ITPKC: variants seen among roughly 807,000 people sequenced by gnomAD.
ITPKC encodes IP3 3-kinase C.
Under a neutral mutation model 67.1 loss-of-function variants are expected in ITPKC, and 33 were observed. That is an observed-to-expected ratio of 0.49 (90% CI 0.37 to 0.66). The LOEUF (loss-of-function observed/expected upper bound fraction) is 0.66. Ranked by LOEUF, ITPKC falls within the 30% of genes least tolerant of loss-of-function variation. The pLI is 0.00. For missense variants in ITPKC, 820 were observed against 892.1 expected (o/e 0.92, Z 1.03); for synonymous variants, 341 against 359.8 (o/e 0.95, Z 0.59).
chr19:40,739,434 G>A lies in ITPKC; in HGVS notation c.1926G>A (p.Thr642=), dbSNP rs1356933391. Residue 642 remains threonine (T), a synonymous_variant, in exon 7 of 7, where the codon ACG becomes ACA. Transcript: ENST00000263370. ...AKVWMIDFGK[T]VALPDHQTLS... ...TCTGGATGATAGACTTCGGCAAGACGGTGGCCTTGCCCGACCACCAGACGC... is the reference window on the plus strand; with the variant it reads ...TCTGGATGATAGACTTCGGCAAGACAGTGGCCTTGCCCGACCACCAGACGC... 11 of 1,613,482 alleles carry A rather than the reference G, an allele frequency of 6.8e-6. No individual in the cohort carries two copies. The highest frequency in any genetic ancestry group is 4.5e-5 in the East Asian group (2 of 44,908).
intron 6 of ITPKC, among the ~76,000 whole-genome samples, chr19:40,738,675 C>T (rs1235815907): frequency 1.3e-5 from 2 of 152,208 alleles, no homozygotes; most frequent in Non-Finnish European, 2.9e-5. Context: ...TTATGCCTCA[C>T]ACTGAACATT....
intron 4 of ITPKC, among the ~76,000 whole-genome samples, chr19:40,735,210 C>A (rs149704956): frequency 6.6e-6 from 1 of 152,224 alleles, no homozygotes; most frequent in African/African-American, 2.4e-5. Flanking sequence ...TGAGCCACCA[C>A]GCCCAACCTC....
intron 1 of ITPKC, among the ~76,000 whole-genome samples, chr19:40,719,085 G>A (rs975413861): frequency 7.2e-5 from 11 of 152,156 alleles, no homozygotes; most frequent in African/African-American, 2.7e-4. Context: ...GAGCCGTGGG[G>A]CTGGGAGCCG....
chr19:40,718,105 C>T lies in ITPKC; in HGVS notation c.970C>T (p.Leu324=), dbSNP rs2082200765. The change falls in exon 1 of 7, where the codon CTG becomes TTG. Residue 324 remains leucine (L), a synonymous_variant. Transcript: ENST00000263370. ...GTACTCTCACCTGAAGTGTAGCCCC[C>T]TGTGCCCTGTGCCCCGCCTCATCAT... is the stretch of plus-strand genomic sequence containing the variant. ...HLYSHLKCSP[L]CPVPRLIITP... is the part of the protein sequence containing the mutation. 6.2e-7 allele frequency: 1 copy of T among 1,613,126 alleles called. No homozygotes were observed. The highest frequency in any genetic ancestry group is 8.5e-7 in the Non-Finnish European group (1 of 1,179,914).
At chr19:40,739,160 A>T (rs947917759) in intron 6 of ITPKC, among the ~76,000 whole-genome samples, 197 bp from the exon 7 acceptor site, 1 of 152,212 alleles carries the variant, frequency 6.6e-6, no homozygotes, top group African/African-American at 2.4e-5. Flanking sequence ...CTCACTTTGT[A>T]TATGAGGACG....
At chr19:40,727,063 G>A (rs1000569443) in intron 2 of ITPKC, among the ~76,000 whole-genome samples, 3 of 152,060 alleles carry the variant, frequency 2.0e-5, no homozygotes, top group Middle Eastern at 3.4e-3. Context: ...CGCCAGGGGC[G>A]GTGGCTCACG....
chr19:40,725,585 G>A (rs1251762998), intron 2 of ITPKC, 146 bp downstream of exon 2: 5 of 656,176 alleles, frequency 7.6e-6, no homozygotes, highest in Admixed American at 2.5e-5. Flanking sequence ...GCTTAGGCCT[G>A]GGCCTGGCCC....
At chr19:40,732,394 G>A (rs1449418181) in intron 3 of ITPKC, among the ~76,000 whole-genome samples, 2 of 151,502 alleles carry the variant, frequency 1.3e-5, no homozygotes, top group Non-Finnish European at 2.9e-5. Flanking sequence ...TCCGGGTGTG[G>A]TGGCGGGCAC....
At chr19:40,723,491 ATTTGTTTTGTTTTTTT>A (rs1385350498) in intron 1 of ITPKC, among the ~76,000 whole-genome samples, 18 of 116,344 alleles carry the variant, frequency 1.5e-4, no homozygotes, top group African/African-American at 5.2e-4. Flanking sequence ...GTCTTCCTAT[ATTTGTTTTGTTTTTTT>A]TTTGTTTTTG....
chr19:40,732,174 A>C (rs573628747), intron 3 of ITPKC, among the ~76,000 whole-genome samples: 6 of 148,146 alleles, frequency 4.1e-5, no homozygotes, highest in Non-Finnish European at 8.9e-5. Flanking sequence ...GAGGTCCTAG[A>C]AGTTGCAGTG....
rs770900237 is a variant in ITPKC at position 40,717,388 on chromosome 19, C to G, written c.253C>G (p.Pro85Ala). Residue 85 changes from proline to alanine, a missense_variant, in exon 1 of 7, where the codon CCG becomes GCG. Pro to Ala is a conservative substitution (Grantham distance 27). Around this residue, in one of 2 missense-constraint regions of ITPKC, gnomAD observed 481 missense variants for 470.1 expected, o/e 1.02. Coordinates refer to ENST00000263370, the MANE Select transcript of ITPKC (RefSeq NM_025194.3). The part of the protein sequence containing the change: ...GLGPAPGTES[P>A]QAEFWTDGQT... ...CGGGCCTGCGCCGGGGACAGAGAGT[C>G]CGCAGGCAGAATTCTGGACAGACGG... 6.2e-7 allele frequency: 1 copy of G among 1,613,352 alleles called. No homozygotes were observed. Among genetic ancestry groups the G allele is most frequent in the Non-Finnish European group, 8.5e-7 (1 of 1,179,926 alleles).
At chr19:40,725,157 G>A (rs373218784) in intron 1 of ITPKC, among the ~76,000 whole-genome samples, 183 bp from the exon 2 acceptor site, 68 of 152,172 alleles carry the variant, frequency 4.5e-4, no homozygotes, top group African/African-American at 1.6e-3. Flanking sequence ...GGCTTTGGGC[G>A]ATCATGTGAT....
chr19:40,719,060 C>T (rs951913636), intron 1 of ITPKC, among the ~76,000 whole-genome samples: 1 of 152,290 alleles, frequency 6.6e-6, no homozygotes, highest in Non-Finnish European at 1.5e-5. Context: ...ACTGGAGAGC[C>T]TCACGTGGGG....
rs201718287 is a variant in ITPKC, at chr19:40,717,486, G to C, written c.351G>C (p.Arg117Ser). 269 of 1,614,034 alleles carry C rather than the reference G, an allele frequency of 1.7e-4. No homozygotes were observed. The highest frequency in any genetic ancestry group is 2.2e-4 in the Non-Finnish European group (263 of 1,180,028). The change falls in exon 1 of 7, where the codon AGG (arginine) becomes AGC (serine). Residue 117 changes from arginine (R) to serine (S), a missense_variant. By Grantham distance (110) the Arg-to-Ser change is moderately radical. Coordinates refer to ENST00000263370, the MANE Select transcript of ITPKC (RefSeq NM_025194.3). ...ERPKQKTEPDRSSLRTHLEWS... is the reference protein window; with the variant it reads ...ERPKQKTEPDSSSLRTHLEWS... ...CCAAGCAAAAGACGGAGCCAGACAGGTCCAGCCTCCGGACGCATCTAGAAT... is the reference window on the plus strand; with the variant it reads ...CCAAGCAAAAGACGGAGCCAGACAGCTCCAGCCTCCGGACGCATCTAGAAT...
intron 4 of ITPKC, among the ~76,000 whole-genome samples, chr19:40,733,895 A>G (rs2082283009): frequency 6.6e-6 from 1 of 152,086 alleles, no homozygotes; most frequent in African/African-American, 2.4e-5. Context: ...TGTTTCTAGA[A>G]GAAAAAAAAA....
Position 40,739,356 on chromosome 19 carries a change from G to A in ITPKC, c.1849-1G>A. The A allele has an allele frequency of 6.2e-7, 1 of 1,613,160 alleles. No homozygotes were observed. The highest frequency in any genetic ancestry group is 2.2e-5 in the East Asian group (1 of 44,878). Reference sequence around the variant, plus strand: ...TTAACCTCCCGTCTCTACCCCGGCAGGTGGTAGGCAGCTCCCTCCTCTTCG... The same window carrying A: ...TTAACCTCCCGTCTCTACCCCGGCAAGTGGTAGGCAGCTCCCTCCTCTTCG... On this transcript the variant is annotated splice_acceptor_variant, in intron 6 of 6. Coordinates refer to ENST00000263370, the MANE Select transcript of ITPKC (RefSeq NM_025194.3). LOFTEE classifies it high-confidence loss of function.
chr19:40,734,766 G>T (rs995871617), intron 4 of ITPKC, among the ~76,000 whole-genome samples: 2 of 143,888 alleles, frequency 1.4e-5, no homozygotes, highest in African/African-American at 5.2e-5. Flanking sequence ...GCACTACCAT[G>T]CCTGGCTAAT....
intron 4 of ITPKC, among the ~76,000 whole-genome samples, chr19:40,735,453 A>C (rs2082290358): frequency 1.3e-5 from 2 of 149,488 alleles, no homozygotes; most frequent in Non-Finnish European, 1.5e-5. Flanking sequence ...TGATCCCCCC[A>C]CCTCAGTCTT....
rs1172830526 is a variant in ITPKC at position 40,718,146 on chromosome 19, T to A, written c.1011T>A (p.Pro337=). The A allele has an allele frequency of 6.2e-7, 1 of 1,605,338 alleles. No homozygotes were observed. The highest frequency in any genetic ancestry group is 1.7e-5 in the Admixed American group (1 of 59,852). The part of the protein sequence containing the change: ...VPRLIITPET[P]EPEAQPVGPP... ...GCCTCATCATTACCCCTGAGACCCC[T>A]GAGCCTGAGGCCCAGCCAGTGGGAC... The change falls in exon 1 of 7, where the codon CCT becomes CCA. Residue 337 remains proline (P), a synonymous_variant. Coordinates refer to ENST00000263370, the MANE Select transcript of ITPKC (RefSeq NM_025194.3).
Sources: allele counts gnomAD v4.1 joint callset (sites outside exome capture counted in the v4.1 genomes callset), GRCh38; gene constraint gnomAD v4.1.1; regional missense constraint gnomAD v4.1.1; transcripts MANE v1.5; gene names NCBI Gene and HGNC (gene_info 2026-07-23, HGNC 2026-07-21).